The following CFDP1 variants were observed in gnomAD, a reference collection of about 807,000 sequenced individuals.
CFDP1 encodes the protein heterochromatin-stabilizing protein CFDP1.
Under a neutral mutation model 40.1 loss-of-function variants are expected in CFDP1, and 31 were observed. The observed-to-expected ratio is 0.77, with a 90% CI of 0.58 to 1.04. CFDP1 has a LOEUF of 1.04. Ranked by LOEUF, CFDP1 falls within the 50% of genes least tolerant of loss-of-function variation. CFDP1 has a pLI of 0.00. For missense variants in CFDP1, 423 were observed against 343.4 expected (o/e 1.23, Z -1.83); for synonymous variants, 167 against 120.0 (o/e 1.39, Z -2.56).
At chr16:75,420,240 C>G (rs1269762584) in intron 1 of CFDP1, among the ~76,000 whole-genome samples, 1 of 151,922 alleles carries the variant, frequency 6.6e-6, no homozygotes, top group East Asian at 1.9e-4. Context: ...AGAGAGGGAT[C>G]AGACTGTTAT....
intron 6 of CFDP1, among the ~76,000 whole-genome samples, chr16:75,294,986 C>T (rs1010294953): frequency 1.3e-5 from 2 of 152,122 alleles, no homozygotes; most frequent in African/African-American, 2.4e-5. Context: ...TTTGCCTGGG[C>T]GGAGGAGATC....
At chr16:75,397,058 T>C (rs557537356) in intron 4 of CFDP1, among the ~76,000 whole-genome samples, 15 of 151,992 alleles carry the variant, frequency 9.9e-5, no homozygotes, top group Middle Eastern at 6.8e-3. Context: ...GGACTACGGG[T>C]GCCCGCCACC....
intron 4 of CFDP1, among the ~76,000 whole-genome samples, chr16:75,404,046 C>T (rs1293417427): frequency 2.0e-5 from 3 of 151,390 alleles, no homozygotes; most frequent in African/African-American, 2.4e-5. Context: ...GCAGGAGAAT[C>T]GCTTGAACCC....
chr16:75,301,536 C>CTTTTTTTTTTTTTTTTTTTTTTTTTT (rs546724752), intron 6 of CFDP1, among the ~76,000 whole-genome samples: 1 of 53,938 alleles, frequency 1.9e-5, no homozygotes, highest in African/African-American at 6.9e-5. Flanking sequence ...TTTGTTGTGT[C>CTTTTTTTTTTTTTTTTTTTTTTTTTT]TTTTTTTTTT....
intron 1 of CFDP1, among the ~76,000 whole-genome samples, chr16:75,429,086 T>C (rs117459437): frequency 0.012 from 1,798 of 151,126 alleles, 22 homozygotes; most frequent in Non-Finnish European, 0.014. Flanking sequence ...CACTGCACTC[T>C]AGCCTGGACA....
intron 5 of CFDP1, among the ~76,000 whole-genome samples, chr16:75,336,715 G>A (rs2078490097): frequency 6.6e-6 from 1 of 152,210 alleles, no homozygotes; most frequent in African/African-American, 2.4e-5. Context: ...TTATTCAACA[G>A]TGGTTACTGC....
chr16:75,360,603 A>C (rs2078674340), intron 5 of CFDP1, among the ~76,000 whole-genome samples: 1 of 152,178 alleles, frequency 6.6e-6, no homozygotes, highest in Admixed American at 6.5e-5. Flanking sequence ...CATAACAATA[A>C]CTTTCCTGTG....
intron 5 of CFDP1, among the ~76,000 whole-genome samples, chr16:75,352,533 A>G (rs978875202): frequency 5.2e-4 from 79 of 152,230 alleles, no homozygotes; most frequent in African/African-American, 1.7e-3. Context: ...CATAAGTGTA[A>G]TAAGTGTATC....
intron 4 of CFDP1, among the ~76,000 whole-genome samples, chr16:75,395,550 T>A (rs1040778072): frequency 2.6e-5 from 4 of 152,028 alleles, no homozygotes; most frequent in Admixed American, 2.0e-4. Context: ...TCCCAGCTAC[T>A]CGGGAGGCTG....
At chr16:75,400,122 G>GA (rs527926481) in intron 4 of CFDP1, among the ~76,000 whole-genome samples, 32 of 141,938 alleles carry the variant, frequency 2.3e-4, no homozygotes, top group East Asian at 4.0e-4. Context: ...AAAAAAAAAG[G>GA]AAAAAAAAAA....
chr16:75,369,862 G>A (rs1375003946), intron 5 of CFDP1, among the ~76,000 whole-genome samples: 1 of 150,838 alleles, frequency 6.6e-6, no homozygotes, highest in Non-Finnish European at 1.5e-5. Flanking sequence ...ACGTTCAAGC[G>A]ATTCTCATGC....
At chr16:75,352,270 G>A (rs2078618097) in intron 5 of CFDP1, among the ~76,000 whole-genome samples, 1 of 152,006 alleles carries the variant, frequency 6.6e-6, no homozygotes, top group Admixed American at 6.6e-5. Flanking sequence ...GAACCCAGGA[G>A]ACGGAGGTTG....
At chr16:75,352,303 A>G (rs1327405598) in intron 5 of CFDP1, among the ~76,000 whole-genome samples, 1 of 151,774 alleles carries the variant, frequency 6.6e-6, no homozygotes, top group African/African-American at 2.4e-5. Context: ...ATCACGCCAC[A>G]GCACTCCATC....
At chr16:75,340,935 C>G (rs1261568429) in intron 5 of CFDP1, among the ~76,000 whole-genome samples, 1 of 152,106 alleles carries the variant, frequency 6.6e-6, no homozygotes, top group Non-Finnish European at 1.5e-5. Context: ...TGGTTGTTTC[C>G]TGCACCTCTC....
intron 5 of CFDP1, among the ~76,000 whole-genome samples, chr16:75,364,371 G>C (rs532705249): frequency 6.6e-6 from 1 of 152,260 alleles, no homozygotes; most frequent in East Asian, 1.9e-4. Context: ...TCCTTCCAGA[G>C]ATATATTAAA....
At chr16:75,301,601 G>T (rs1339243060) in intron 6 of CFDP1, among the ~76,000 whole-genome samples, 1 of 137,158 alleles carries the variant, frequency 7.3e-6, no homozygotes, top group African/African-American at 2.9e-5. Flanking sequence ...TGTCCAGGCT[G>T]GAGTGCAGTG....
rs187108865 is a variant in CFDP1 at position 75,297,495 on chromosome 16, C to T, written c.810-3453G>A. Among the ~76,000 whole-genome samples the T allele has an allele frequency of 2.6e-3, 392 of 152,224 alleles. 1 individual carries two copies. Among genetic ancestry groups the T allele is most frequent in the African/African-American group, 7.9e-3 (327 of 41,548 alleles). ...ACATTTTCATGCACTTTAAATGGGT[C>T]ACGGTCCCAGAACAGACCCACCTGA... is the stretch of plus-strand genomic sequence containing the variant. On this transcript the variant is annotated intron_variant, in intron 6 of 6. Transcript: ENST00000283882.
At chr16:75,360,145 G>C (rs1349941353) in intron 5 of CFDP1, among the ~76,000 whole-genome samples, 1 of 152,036 alleles carries the variant, frequency 6.6e-6, no homozygotes, top group Non-Finnish European at 1.5e-5. Flanking sequence ...TCCCATCCTG[G>C]CCTCCCAAAA....
chr16:75,328,190 C>T (rs868099298), intron 5 of CFDP1, among the ~76,000 whole-genome samples: 1 of 137,522 alleles, frequency 7.3e-6, no homozygotes, highest in Non-Finnish European at 1.6e-5. Flanking sequence ...CACTATGTTG[C>T]CCAGGCTGGT....
Sources: gnomAD v4.1 joint callset for allele counts (sites outside exome capture counted in the v4.1 genomes callset) on GRCh38, gnomAD v4.1.1 for gene constraint, MANE v1.5 for transcripts, NCBI Gene and HGNC (gene_info 2026-07-23, HGNC 2026-07-21) for gene names.